Variants in NRG2 observed in about 807,000 individuals in gnomAD.
The protein encoded by NRG2 is neuregulin 2.
Under a neutral mutation model 73.9 loss-of-function variants are expected in NRG2, and 27 were observed. The ratio of observed to expected loss-of-function variants is 0.37; its 90% CI spans 0.27 to 0.50. The LOEUF (loss-of-function observed/expected upper bound fraction) is 0.50. Ranked by LOEUF, NRG2 falls within the 20% of genes least tolerant of loss-of-function variation. The pLI is 0.96. For synonymous variants in NRG2, 532 were observed against 541.0 expected, an observed-to-expected ratio of 0.98 and a Z score of 0.23; for missense variants, 1,126 against 1,210.1, an observed-to-expected ratio of 0.93 and a Z score of 1.03.
intron 1 of NRG2, among the ~76,000 whole-genome samples, chr5:139,979,956 T>C (rs2126557519): frequency 6.6e-6 from 1 of 152,316 alleles, no homozygotes; most frequent in South Asian, 2.1e-4. Flanking sequence ...AGAGGCCATG[T>C]GTGAAAATAC....
intron 2 of NRG2, among the ~76,000 whole-genome samples, chr5:139,883,325 G>A (rs1386953467): frequency 7.1e-6 from 1 of 140,372 alleles, no homozygotes. Context: ...GCCTACCCCC[G>A]CCCCCCGCCC....
intron 1 of NRG2, among the ~76,000 whole-genome samples, chr5:140,031,881 C>T (rs1258381301): frequency 2.6e-5 from 4 of 151,964 alleles, no homozygotes; most frequent in Non-Finnish European, 5.9e-5. Context: ...AGGAGAAGCC[C>T]ACACCCTACC....
intron 1 of NRG2, among the ~76,000 whole-genome samples, chr5:139,953,745 G>C (rs1754410428): frequency 6.6e-6 from 1 of 152,172 alleles, no homozygotes; most frequent in Admixed American, 6.5e-5. Context: ...CCCCAGCCCG[G>C]GAGATGCTGA....
In NRG2 at chr5:139,856,913, C is replaced by T. The variant is rs1761843665; in HGVS notation, c.1190-1135G>A. On this transcript the variant is annotated intron_variant, in intron 5 of 9. Transcript: ENST00000361474. This position sits in a 1 kb window ranked among gnomAD's most constrained non-coding sequence, Gnocchi z 4.2. ...TTGGATGGAGTTGTAAACAACCAGA[C>T]CTCCACCCTAGGTCCCCATCTCTTG... Among the ~76,000 whole-genome samples the T allele has an allele frequency of 6.6e-6, 1 of 152,182 alleles. No homozygotes were observed. The highest frequency in any genetic ancestry group is 1.5e-5 in the Non-Finnish European group (1 of 68,020).
chr5:140,003,685 T>C lies in NRG2; in HGVS notation c.700+38685A>G, dbSNP rs115533309. Among the ~76,000 whole-genome samples, 876 of 152,292 alleles carry C rather than the reference T, an allele frequency of 5.8e-3. 8 individuals are homozygous for C. The highest frequency in any genetic ancestry group is 0.02 in the African/African-American group (828 of 41,568). On this transcript the variant is annotated intron_variant, in intron 1 of 9. Coordinates refer to ENST00000361474, the MANE Select transcript of NRG2 (RefSeq NM_004883.3). Reference sequence around the variant, plus strand: ...TGGGTTGCTTTAAGCCACTAAATTGTAGCCATTTGTTGTGGTAATTTTTTC... The same window carrying C: ...TGGGTTGCTTTAAGCCACTAAATTGCAGCCATTTGTTGTGGTAATTTTTTC...
chr5:139,988,795 A>C (rs934759644), intron 1 of NRG2, among the ~76,000 whole-genome samples: 1 of 151,818 alleles, frequency 6.6e-6, no homozygotes, highest in Non-Finnish European at 1.5e-5. Flanking sequence ...TTGGGTGATA[A>C]TGATGTGTCA....
intron 1 of NRG2, among the ~76,000 whole-genome samples, chr5:139,910,734 T>C (rs1422067756): frequency 6.6e-6 from 1 of 152,160 alleles, no homozygotes; most frequent in African/African-American, 2.4e-5. Flanking sequence ...AGTTCAGATG[T>C]TGCAGTGCCT....
In NRG2 at chr5:139,851,817, G is replaced by T. The variant is rs373912301; in HGVS notation, c.1559C>A (p.Thr520Lys). 4.6e-5 allele frequency: 75 copies of T among 1,614,184 alleles called. No individual in the cohort carries two copies. Among genetic ancestry groups the T allele is most frequent in the Non-Finnish European group, 6.2e-5 (73 of 1,180,012 alleles). ...PTSSHRHESHTWSLERSESLT... is the reference protein window; with the variant it reads ...PTSSHRHESHKWSLERSESLT... ...GCTCTCAGAACGTTCCAGGCTCCAC[G>T]TGTGGCTCTCGTGTCTGGGAAGGCC... The change falls in exon 9 of 10, where the codon ACG becomes AAG. Residue 520 changes from threonine to lysine, a missense_variant. Physicochemically the swap from Thr to Lys is moderately conservative, Grantham distance 78 (BLOSUM62 -1). Around this residue, in one of 3 missense-constraint regions of NRG2, gnomAD observed 539 missense variants for 703.2 expected, o/e 0.77. Transcript: ENST00000361474. This position sits in a 1 kb window ranked among gnomAD's most constrained non-coding sequence, Gnocchi z 4.2.
intron 1 of NRG2, among the ~76,000 whole-genome samples, chr5:139,908,113 AT>A (rs1765356309): frequency 6.6e-6 from 1 of 152,244 alleles, no homozygotes; most frequent in African/African-American, 2.4e-5. Flanking sequence ...GGCCTTCGCC[AT>A]TTTTCACTAG....
At position 139,852,331 on chromosome 5, in the gene NRG2, G is replaced by A. The variant is rs1327001357; in HGVS notation, c.1544+101C>T. 2.1e-6 allele frequency: 3 copies of A among 1,440,456 alleles called. No homozygotes were observed. The highest frequency in any genetic ancestry group is 1.4e-5 in the African/African-American group (1 of 70,648). The allele number at this position is 1,440,456 out of a possible 1,614,324, so 89.2% of individuals were successfully genotyped here. A position where few individuals can be genotyped will look rare whatever the true frequency, so the allele number is the denominator to read the frequency against. Reference sequence around the variant, plus strand: ...GCTGTGATTCCTGTGGCAAGCTCAGGGGAGGGTATTGAATAGCTCTGGATG... The same window carrying A: ...GCTGTGATTCCTGTGGCAAGCTCAGAGGAGGGTATTGAATAGCTCTGGATG... On this transcript the variant is annotated intron_variant, in intron 8 of 9. Coordinates refer to ENST00000361474, the MANE Select transcript of NRG2 (RefSeq NM_004883.3). This position sits in a 1 kb window ranked among gnomAD's most constrained non-coding sequence, Gnocchi z 4.4.
chr5:139,906,984 TGTGTGTGTGC>T (rs1471996265), intron 1 of NRG2, among the ~76,000 whole-genome samples: 8 of 152,088 alleles, frequency 5.3e-5, no homozygotes, highest in African/African-American at 1.7e-4. Context: ...TGCTGAGGGC[TGTGTGTGTGC>T]GTGTGTGTGC....
chr5:139,879,298 C>T (rs1189421961), intron 3 of NRG2, among the ~76,000 whole-genome samples: 7 of 152,058 alleles, frequency 4.6e-5, no homozygotes, highest in Admixed American at 3.9e-4. Context: ...GAAGGCTAAT[C>T]AAAGGCTAGA....
chr5:139,862,289 G>T (rs1762198395), intron 5 of NRG2, among the ~76,000 whole-genome samples: 1 of 152,224 alleles, frequency 6.6e-6, no homozygotes, highest in Non-Finnish European at 1.5e-5. Context: ...TAGAGTGGTG[G>T]CTGGCATGAT....
chr5:139,871,410 A>C (rs961428761), intron 4 of NRG2, among the ~76,000 whole-genome samples: 5 of 152,156 alleles, frequency 3.3e-5, no homozygotes, highest in Non-Finnish European at 2.9e-5. Context: ...AGAGAAACCC[A>C]GTGCCCAGTG....
At chr5:139,952,544 C>G (rs1326962942) in intron 1 of NRG2, among the ~76,000 whole-genome samples, 1 of 152,200 alleles carries the variant, frequency 6.6e-6, no homozygotes, top group Non-Finnish European at 1.5e-5. Context: ...GCTCCAGATT[C>G]ATAACCTGGT....
intron 1 of NRG2, among the ~76,000 whole-genome samples, chr5:139,916,410 A>G (rs1435351222): frequency 6.6e-6 from 1 of 152,226 alleles, no homozygotes; most frequent in Non-Finnish European, 1.5e-5. Flanking sequence ...TATAATTCAC[A>G]TGCCATGCAA....
Position 140,042,792 on chromosome 5 carries a change from A to G in NRG2, c.278T>C (p.Met93Thr). 1 of 1,513,398 alleles carries G rather than the reference A, an allele frequency of 6.6e-7. No homozygotes were observed. Among genetic ancestry groups the G allele is most frequent in the Non-Finnish European group, 8.8e-7 (1 of 1,132,446 alleles). 93.7% of individuals were successfully genotyped at this position (1,513,398 alleles called of 1,614,324 possible). A position where few individuals can be genotyped will look rare whatever the true frequency, so the allele number is the denominator to read the frequency against. The change falls in exon 1 of 10, where the codon ATG becomes ACG. Residue 93 changes from methionine (M) to threonine (T), a missense_variant. By Grantham distance (81) the Met-to-Thr change is moderately conservative. Transcript: ENST00000361474. ...ARSRAAAAGG[M>T]RRDPAPGFSM... ...GAAGCCGGGGGCCGGGTCGCGCCTCATGCCGCCGGCGGCTGCGGCTCGCGA... is the reference window on the plus strand; with the variant it reads ...GAAGCCGGGGGCCGGGTCGCGCCTCGTGCCGCCGGCGGCTGCGGCTCGCGA...
rs188534354 is a variant in NRG2, at chr5:140,043,017, C to A, written c.53G>T (p.Arg18Leu). 5 of 1,575,380 alleles carry A rather than the reference C, an allele frequency of 3.2e-6. No homozygotes were observed. The East Asian group carries it at 9.2e-5, about 29-fold the overall frequency. ...ALPPPPLEKG[R>L]CSSYSDSSSS... ...GCTGCTGTCGCTGTAGCTGCTGCAC[C>A]GACCCTTCTCCAGTGGCGGCGGCGG... is the stretch of plus-strand genomic sequence containing the variant. Residue 18 changes from arginine to leucine, a missense_variant, in exon 1 of 10, where the codon CGG becomes CTG. Around this residue, in one of 3 missense-constraint regions of NRG2, gnomAD observed 185 missense variants for 149.0 expected, o/e 1.24. Coordinates refer to ENST00000361474, the MANE Select transcript of NRG2 (RefSeq NM_004883.3). This position sits in a 1 kb window ranked among gnomAD's most constrained non-coding sequence, Gnocchi z 6.7.
chr5:139,996,850 G>T (rs1322869806), intron 1 of NRG2, among the ~76,000 whole-genome samples: 2 of 152,116 alleles, frequency 1.3e-5, no homozygotes, highest in Non-Finnish European at 2.9e-5. Context: ...GATTGAGGGG[G>T]TGGCCAGACG....
Sources: gnomAD v4.1 joint callset for allele counts (sites outside exome capture counted in the v4.1 genomes callset) on GRCh38, gnomAD v4.1.1 for gene constraint, gnomAD v4.1.1 regional missense constraint, Gnocchi (gnomAD v3.1) non-coding constraint, MANE v1.5 for transcripts, NCBI Gene and HGNC (gene_info 2026-07-23, HGNC 2026-07-21) for gene names.